Variants in AP1S2 observed in about 807,000 individuals in gnomAD.
AP1S2 encodes adaptor related protein complex 1 subunit sigma 2.
Under a neutral mutation model 14.3 loss-of-function variants are expected in AP1S2, and 1 was observed. That is an observed-to-expected ratio of 0.07 (90% confidence interval 0.02 to 0.33). The LOEUF is 0.33. Among genes scored for constraint, AP1S2 ranks in the 10% least tolerant of loss-of-function variants. The pLI, the probability that AP1S2 is intolerant of heterozygous loss-of-function variation, is 0.99. For synonymous variants in AP1S2, 30 were observed against 40.5 expected (o/e 0.74, Z 0.99); for missense variants, 30 against 117.7 (o/e 0.25, Z 3.45).
chrX:15,850,545 G>C (rs1206453187), intron 2 of AP1S2, among the ~76,000 whole-genome samples: 2 of 105,549 alleles, frequency 1.9e-5, no homozygotes, highest in Non-Finnish European at 3.9e-5. Flanking sequence ...TAATTGTAGA[G>C]ACGGCGGGGT....
chrX:15,841,520 AG>A (rs1317108649), intron 4 of AP1S2, among the ~76,000 whole-genome samples: 1 of 112,269 alleles, frequency 8.9e-6, no homozygotes, highest in Admixed American at 9.5e-5. Context: ...CAATTTTGGA[AG>A]CAAAATCATT....
intron 2 of AP1S2, among the ~76,000 whole-genome samples, chrX:15,847,118 T>A (rs1934021531): frequency 8.9e-6 from 1 of 112,013 alleles, no homozygotes; most frequent in African/African-American, 3.2e-5. Context: ...CAATGGGCAG[T>A]TACTGCTCGT....
intron 4 of AP1S2, among the ~76,000 whole-genome samples, chrX:15,839,788 C>T (rs1458886113): frequency 9.0e-6 from 1 of 110,874 alleles, no homozygotes; most frequent in Non-Finnish European, 1.9e-5. Flanking sequence ...GTGCTCAGCC[C>T]AAATATTCTT....
intron 4 of AP1S2, among the ~76,000 whole-genome samples, chrX:15,837,596 T>C (rs1933682365): frequency 9.6e-6 from 1 of 103,791 alleles, no homozygotes. Flanking sequence ...TGGTGAATCA[T>C]AGAGATGACT....
chrX:15,828,111 C>G (rs994113307), intron 5 of AP1S2, 81 bp downstream of exon 5: 1 of 806,158 alleles, frequency 1.2e-6, no homozygotes, highest in Non-Finnish European at 1.7e-6. Flanking sequence ...TTACTAGCAA[C>G]GAATTTTGTA....
chrX:15,830,563 T>C (rs1262673332), intron 4 of AP1S2: 14 of 663,855 alleles, frequency 2.1e-5, no homozygotes, highest in Non-Finnish European at 2.5e-5. Flanking sequence ...CAATGAATTC[T>C]TTTCCTTTTA....
At chrX:15,844,938 T>C in intron 4 of AP1S2, 1 of 712,179 alleles carries the variant, frequency 1.4e-6, no homozygotes, top group Non-Finnish European at 1.7e-6. Flanking sequence ...GGACATGAGG[T>C]AAAAATATGA....
intron 4 of AP1S2, among the ~76,000 whole-genome samples, chrX:15,828,790 C>T (rs922230424): frequency 4.4e-4 from 48 of 108,531 alleles, no homozygotes; most frequent in African/African-American, 1.6e-3. Context: ...AATGGCAAGG[C>T]GGGAAAAAGC....
Position 15,828,284 on chromosome X carries a change from C to T in AP1S2, c.427-84G>A, listed in dbSNP as rs1933323589. 5.4e-6 allele frequency: 4 copies of T among 736,958 alleles called. No homozygotes were observed. In the Admixed American group the frequency reaches 1.6e-4, roughly 30 times the overall value. 60.7% of individuals were successfully genotyped at this position (736,958 alleles called of 1,213,427 possible). On this transcript the variant is annotated intron_variant, in intron 4 of 5. Transcript: ENST00000672987. ...TAGAATATTAATTGCATGTAAAGCA[C>T]TTCATGGTGTAATCTTAAGTAAATT...
chrX:15,844,703 AT>A (rs1026678074), intron 4 of AP1S2, among the ~76,000 whole-genome samples: 15 of 112,387 alleles, frequency 1.3e-4, no homozygotes, highest in Non-Finnish European at 2.1e-4. Context: ...CAACTGCACA[AT>A]TAACCCAAGA....
chrX:15,852,620 T>G, intron 1 of AP1S2, 96 bp from the exon 2 acceptor site: 3 of 819,171 alleles, frequency 3.7e-6, no homozygotes, highest in Non-Finnish European at 5.3e-6. Flanking sequence ...GGATGGGGCA[T>G]TTACATGACA....
At chrX:15,854,088 T>C (rs781486175) in intron 1 of AP1S2, among the ~76,000 whole-genome samples, 1 of 112,576 alleles carries the variant, frequency 8.9e-6, no homozygotes, top group African/African-American at 3.2e-5. Flanking sequence ...TGTCCTAACA[T>C]GGGACGAAAC....
intron 4 of AP1S2, among the ~76,000 whole-genome samples, chrX:15,837,590 G>A (rs1165387230): frequency 1.9e-5 from 2 of 104,210 alleles, no homozygotes; most frequent in East Asian, 6.1e-4. Context: ...TAATTTTGGT[G>A]AATCATAGAG....
intron 1 of AP1S2, 96 bp downstream of exon 1, chrX:15,854,592 G>A: frequency 5.9e-6 from 2 of 338,753 alleles, no homozygotes; most frequent in Non-Finnish European, 7.7e-6. Context: ...TCGGGGTGGG[G>A]TCGTCGGGGC....
intron 2 of AP1S2, among the ~76,000 whole-genome samples, chrX:15,851,407 C>G (rs1163417487): frequency 8.9e-6 from 1 of 112,152 alleles, no homozygotes; most frequent in African/African-American, 3.2e-5. Context: ...AACCAGACTT[C>G]TCTCCCACCC....
In AP1S2 at chrX:15,838,181, T is replaced by C. The variant is rs187591981; in HGVS notation, c.426+7198A>G. 2.6e-3 allele frequency among the ~76,000 whole-genome samples: 287 copies of C among 111,273 alleles called. 2 individuals carry two copies. Among genetic ancestry groups the C allele is most frequent in the African/African-American group, 9.1e-3 (277 of 30,565 alleles). ...CACTGCAGAATTCTCAGCAGCATCC[T>C]TGGTCTTCACCTACTGGATGCCGGT... On this transcript the variant is annotated intron_variant, in intron 4 of 5. Transcript: ENST00000672987.
At chrX:15,835,818 C>T (rs1450374181) in intron 4 of AP1S2, among the ~76,000 whole-genome samples, 1 of 111,158 alleles carries the variant, frequency 9.0e-6, no homozygotes, top group African/African-American at 3.3e-5. Context: ...ATACTAAATA[C>T]ATGCTTGTTT....
chrX:15,826,387 T>C lies in AP1S2; in HGVS notation c.*938A>G, dbSNP rs1284768663. ...GTGCCATGGAAAGAAAGGAAGCTGC[T>C]GTAAAGTGTGCAGCACTTCTAAGTG... On this transcript the variant is annotated 3_prime_UTR_variant, in exon 6 of 6. Transcript: ENST00000672987. 8.9e-6 allele frequency: 1 copy of C among 112,459 alleles called. No homozygotes were observed. The highest frequency in any genetic ancestry group is 1.9e-5 in the Non-Finnish European group (1 of 53,280). The allele number at this position is 112,459 out of a possible 1,213,427, so 9.3% of individuals were successfully genotyped here. A position where few individuals can be genotyped will look rare whatever the true frequency, so the allele number is the denominator to read the frequency against.
chrX:15,830,282 A>G (rs1249095273), intron 4 of AP1S2: 2 of 749,195 alleles, frequency 2.7e-6, no homozygotes, highest in Non-Finnish European at 3.1e-6. Flanking sequence ...GGAAAAAAAA[A>G]TAGAAATGAA....
Sources: allele counts gnomAD v4.1 joint callset (sites outside exome capture counted in the v4.1 genomes callset), GRCh38; gene constraint gnomAD v4.1.1; transcripts MANE v1.5; gene names NCBI Gene and HGNC (gene_info 2026-07-23, HGNC 2026-07-21).